Variants in HECW2 observed in about 807,000 individuals in gnomAD.
The protein encoded by HECW2 is E3 ubiquitin-protein ligase HECW2.
HECW2 carries 61 observed loss-of-function variants against 175.2 expected under a neutral mutation model. The observed-to-expected ratio is 0.35, with a 90% CI of 0.28 to 0.43. The LOEUF is 0.43. Ranked by LOEUF, HECW2 falls within the 20% of genes least tolerant of loss-of-function variation. The pLI is 1.00. For synonymous variants in HECW2, 671 were observed against 731.0 expected (o/e 0.92, Z 1.32); for missense variants, 1,524 against 2,000.5 (o/e 0.76, Z 4.54).
chr2:196,220,136 C>G lies in HECW2; in HGVS notation c.4311G>C (p.Leu1437=). ...GTTCTCTTGCATCAAAAACAGATAC[C>G]AGCCTGGCATCCACCACCTGTGGAA... ...RGFYEVVDAR[L]VSVFDARELE... is the part of the protein sequence containing the mutation. Residue 1437 remains leucine (L), a synonymous_variant, in exon 26 of 29, where the codon CTG becomes CTC. Transcript: ENST00000644978. 1 of 1,612,322 alleles carries G rather than the reference C, an allele frequency of 6.2e-7. No individual in the cohort carries two copies.
chr2:196,378,618 C>T (rs905623315), intron 2 of HECW2, among the ~76,000 whole-genome samples: 5 of 152,138 alleles, frequency 3.3e-5, no homozygotes, highest in African/African-American at 1.2e-4. Flanking sequence ...ATTCTGAAAA[C>T]TGTCATTGAA....
chr2:196,354,440 C>T (rs1295834737), intron 2 of HECW2, among the ~76,000 whole-genome samples: 1 of 152,240 alleles, frequency 6.6e-6, no homozygotes, highest in South Asian at 2.1e-4. Context: ...GTCGCAGTGG[C>T]CCTGGGTTCC....
rs564019828 is a variant in HECW2 at position 196,541,854 on chromosome 2, C to G, written c.-36+51654G>C. ...TTTTCAGAAAAATGTTCAACATTTT[C>G]AATAGTATGCAAGAACTATCTAAAG... On this transcript the variant is annotated intron_variant, in intron 1 of 28. Coordinates refer to ENST00000644978, the MANE Select transcript of HECW2 (RefSeq NM_001348768.2). Among the ~76,000 whole-genome samples the G allele has an allele frequency of 7.9e-5, 12 of 151,600 alleles. No homozygotes were observed. In the South Asian group the frequency reaches 1.9e-3, roughly 24 times the overall value.
rs114117522 is a variant in HECW2 at position 196,375,593 on chromosome 2, C to T, written c.293-31829G>A. On this transcript the variant is annotated intron_variant, in intron 2 of 28. Transcript: ENST00000644978. Reference sequence around the variant, plus strand: ...GGTAACCTTTTTCAAAACATCAGGACGGGTAAAAGACTGGCAAGTGTATAC... The same window carrying T: ...GGTAACCTTTTTCAAAACATCAGGATGGGTAAAAGACTGGCAAGTGTATAC... 1.8e-3 allele frequency among the ~76,000 whole-genome samples: 278 copies of T among 152,116 alleles called. 1 individual carries two copies. Among genetic ancestry groups the T allele is most frequent in the African/African-American group, 3.3e-3 (136 of 41,500 alleles).
chr2:196,524,305 T>G (rs1401413975), intron 1 of HECW2, among the ~76,000 whole-genome samples: 2 of 120,784 alleles, frequency 1.7e-5, no homozygotes, highest in African/African-American at 4.6e-5. Flanking sequence ...TTGTATTTCT[T>G]TGGGATCAGT....
At chr2:196,552,556 G>C (rs1689637603) in intron 1 of HECW2, among the ~76,000 whole-genome samples, 1 of 152,202 alleles carries the variant, frequency 6.6e-6, no homozygotes, top group Non-Finnish European at 1.5e-5. Context: ...GCAGAGTCAG[G>C]AGCATGGTAC....
intron 2 of HECW2, 57 bp downstream of exon 2, chr2:196,433,075 T>C: frequency 6.7e-7 from 1 of 1,487,588 alleles, no homozygotes; most frequent in African/African-American, 1.4e-5. Context: ...GGTAAAAATG[T>C]CAAACTAAAA....
intron 2 of HECW2, among the ~76,000 whole-genome samples, chr2:196,383,842 C>T (rs1193931254): frequency 6.6e-6 from 1 of 152,188 alleles, no homozygotes; most frequent in Non-Finnish European, 1.5e-5. Flanking sequence ...ACATGGAAAT[C>T]ATATTCTCAT....
intron 1 of HECW2, among the ~76,000 whole-genome samples, chr2:196,550,425 T>TA (rs397814678): frequency 0.036 from 5,342 of 146,878 alleles, 305 homozygotes; most frequent in African/African-American, 0.12. Context: ...ATGAGCTAAG[T>TA]AAAAAAAAAA....
At position 196,319,249 on chromosome 2, in the gene HECW2, T is replaced by C. The variant is rs148661272; in HGVS notation, c.1641A>G (p.Pro547=). ...GCTCTGGGCCGCCTTCACCTTCCTC[T>C]GGGGCTGGGCCTGCAGGTAAGGAGC... ...AESSLPAGPA[P]EEGEGGPEPQ... is the part of the protein sequence containing the mutation. Residue 547 remains proline (P), a synonymous_variant, in exon 9 of 29, where the codon CCA becomes CCG. Transcript: ENST00000644978. 21 of 1,600,950 alleles carry C rather than the reference T, an allele frequency of 1.3e-5. No homozygotes were observed. The African/African-American group carries it at 2.4e-4, about 18-fold the overall frequency.
chr2:196,469,639 A>G (rs1258971496), intron 1 of HECW2, among the ~76,000 whole-genome samples: 1 of 152,132 alleles, frequency 6.6e-6, no homozygotes, highest in Non-Finnish European at 1.5e-5. Context: ...AAATAGTCAT[A>G]ACAAAAATTT....
In HECW2 at chr2:196,240,510, C is replaced by T. The variant is rs139510372; in HGVS notation, c.3703G>A (p.Gly1235Ser). The T allele has an allele frequency of 1.6e-5, 26 of 1,611,936 alleles. No homozygotes were observed. The African/African-American group carries it at 3.3e-4, about 21-fold the overall frequency. The change falls in exon 21 of 29, where the codon GGC becomes AGC. Residue 1235 changes from glycine (G) to serine (S), a missense_variant. Physicochemically the swap from Gly to Ser is moderately conservative, Grantham distance 56. Around this residue, in one of 11 missense-constraint regions of HECW2, gnomAD observed 291 missense variants for 412.2 expected, o/e 0.71. Transcript: ENST00000644978. The stretch of plus-strand genomic sequence containing the variant: ...CTCTGCAGGTCTTTTCTGGAGTAGC[C>T]CATAATCTGATTAAAAGCATCTTCT... ...LLEDAFNQIM[G>S]YSRKDLQRNK...
chr2:196,438,263 T>C (rs924313380), intron 1 of HECW2, among the ~76,000 whole-genome samples: 30 of 152,336 alleles, frequency 2.0e-4, no homozygotes, highest in Admixed American at 5.2e-4. Flanking sequence ...CACTGTCCAA[T>C]TGAAATATAA....
chr2:196,221,307 A>AAAG (rs147063823), intron 24 of HECW2, among the ~76,000 whole-genome samples: 7,116 of 152,278 alleles, frequency 0.047, 540 homozygotes, highest in African/African-American at 0.16. Context: ...GATTTACTTT[A>AAAG]AAGCAGAATT....
At chr2:196,391,954 C>T (rs1694524607) in intron 2 of HECW2, among the ~76,000 whole-genome samples, 4 of 152,134 alleles carry the variant, frequency 2.6e-5, no homozygotes, top group Admixed American at 2.6e-4. Flanking sequence ...ATCCTGTCCT[C>T]TTCTTTTAAG....
At chr2:196,324,936 G>A in intron 6 of HECW2, 44 bp downstream of exon 6, 1 of 1,479,476 alleles carries the variant, frequency 6.8e-7, no homozygotes, top group Non-Finnish European at 9.1e-7. Context: ...AGACTGGGCT[G>A]ACTTCCTCAC....
intron 19 of HECW2, among the ~76,000 whole-genome samples, chr2:196,248,629 C>CAG (rs199534761): frequency 1.3e-5 from 2 of 149,762 alleles, no homozygotes; most frequent in South Asian, 2.1e-4. Flanking sequence ...CACACACACA[C>CAG]ACAGAGAGAG....
intron 2 of HECW2, among the ~76,000 whole-genome samples, chr2:196,353,230 G>A (rs1443154013): frequency 6.6e-6 from 1 of 152,046 alleles, no homozygotes; most frequent in Admixed American, 6.6e-5. Flanking sequence ...ATACTGTTAT[G>A]GCTCAATTCC....
At chr2:196,493,565 A>C (rs1030128297) in intron 1 of HECW2, among the ~76,000 whole-genome samples, 1 of 152,228 alleles carries the variant, frequency 6.6e-6, no homozygotes, top group African/African-American at 2.4e-5. Flanking sequence ...CAGCAAACAA[A>C]TTCAAAAATG....
Sources: gnomAD v4.1 joint callset for allele counts (sites outside exome capture counted in the v4.1 genomes callset) on GRCh38, gnomAD v4.1.1 for gene constraint, gnomAD v4.1.1 regional missense constraint, MANE v1.5 for transcripts, NCBI Gene and HGNC (gene_info 2026-07-23, HGNC 2026-07-21) for gene names.